Variants in CNTNAP5 observed in about 807,000 individuals in gnomAD.
The protein encoded by CNTNAP5 is contactin associated protein family member 5.
CNTNAP5 carries 72 observed loss-of-function variants against 150.2 expected under a neutral mutation model. The observed-to-expected ratio is 0.48, with a 90% CI of 0.40 to 0.58. CNTNAP5 has a LOEUF of 0.58. CNTNAP5 is among the 20% of genes least tolerant of loss of function. CNTNAP5 has a pLI of 0.00. For synonymous variants in CNTNAP5, 672 were observed against 619.8 expected, an observed-to-expected ratio of 1.08 and a Z score of -1.25; for missense variants, 1,636 against 1,626.2, an observed-to-expected ratio of 1.01 and a Z score of -0.10.
intron 16 of CNTNAP5, among the ~76,000 whole-genome samples, chr2:124,765,958 G>GA (rs922747187): frequency 4.7e-4 from 68 of 146,006 alleles, no homozygotes; most frequent in Non-Finnish European, 4.2e-4. Context: ...CTTTGTCTCA[G>GA]AAAAAAAAAA....
At chr2:124,542,630 T>C (rs1695413880) in intron 10 of CNTNAP5, among the ~76,000 whole-genome samples, 2 of 152,076 alleles carry the variant, frequency 1.3e-5, no homozygotes, top group Admixed American at 6.5e-5. Flanking sequence ...CTACCTACTC[T>C]ACGAAGTCTT....
intron 12 of CNTNAP5, among the ~76,000 whole-genome samples, chr2:124,645,892 G>A (rs1306116620): frequency 9.2e-5 from 14 of 152,064 alleles, no homozygotes; most frequent in African/African-American, 3.1e-4. Flanking sequence ...CAGTTCAGAC[G>A]GCAAGAGCAG....
intron 3 of CNTNAP5, among the ~76,000 whole-genome samples, chr2:124,389,846 G>T (rs1162563947): frequency 1.3e-5 from 2 of 152,030 alleles, no homozygotes; most frequent in Non-Finnish European, 2.9e-5. Flanking sequence ...CCTGCCTCTT[G>T]TCCCAGCTAC....
intron 17 of CNTNAP5, among the ~76,000 whole-genome samples, chr2:124,776,072 T>C (rs1681315522): frequency 6.6e-6 from 1 of 152,180 alleles, no homozygotes; most frequent in South Asian, 2.1e-4. Flanking sequence ...GAAGATCTGC[T>C]ATCTGCATGT....
At chr2:124,379,133 GT>G (rs149782242) in intron 3 of CNTNAP5, among the ~76,000 whole-genome samples, 6 of 144,388 alleles carry the variant, frequency 4.2e-5, no homozygotes, top group African/African-American at 1.3e-4. Context: ...CTTTTTTTTT[GT>G]TTTTTTTTTA....
At chr2:124,807,246 G>T (rs314718) in intron 19 of CNTNAP5, among the ~76,000 whole-genome samples, 107,560 of 152,016 alleles carry the variant, frequency 0.71, 38,349 homozygotes, top group East Asian at 0.85. Context: ...TGTCTCCACT[G>T]TAATAAGTAG....
rs57309706 is a variant in CNTNAP5, at chr2:124,434,635, C to A, written c.681C>A (p.Asp227Glu). 71 of 1,613,674 alleles carry A rather than the reference C, an allele frequency of 4.4e-5. No individual in the cohort carries two copies. The highest frequency in any genetic ancestry group is 5.8e-5 in the Non-Finnish European group (69 of 1,179,820). Residue 227 changes from aspartate to glutamate, a missense_variant, in exon 5 of 24, where the codon GAC (aspartate) becomes GAA (glutamate). By Grantham distance (45) the Asp-to-Glu change is conservative. Transcript: ENST00000682447. ...TCCATGGAGAAGGTCAGCGTGGAGA[C>A]CACATCACCTTGGAACTCCAGAAGG... ...VLFHGEGQRG[D>E]HITLELQKGR...
At chr2:124,134,729 T>G (rs1045228506) in intron 1 of CNTNAP5, among the ~76,000 whole-genome samples, 1 of 152,176 alleles carries the variant, frequency 6.6e-6, no homozygotes, top group African/African-American at 2.4e-5. Flanking sequence ...GTTTTTTACA[T>G]GTACTTGGAT....
intron 10 of CNTNAP5, among the ~76,000 whole-genome samples, chr2:124,543,467 G>C (rs769549352): frequency 5.9e-5 from 9 of 152,128 alleles, no homozygotes; most frequent in Non-Finnish European, 1.0e-4. Flanking sequence ...ACTCCTACAG[G>C]CTGAGTAGTG....
rs1258313126 is a variant in CNTNAP5 at position 124,117,389 on chromosome 2, G to A, written c.82+91657G>A. ...TCTGTGGAGGCAGAGACTTTATTATGAGTCCTTAATACCTAGAGCAGTACA... is the reference window on the plus strand; with the variant it reads ...TCTGTGGAGGCAGAGACTTTATTATAAGTCCTTAATACCTAGAGCAGTACA... On this transcript the variant is annotated intron_variant, in intron 1 of 23. Transcript: ENST00000682447. 5.9e-5 allele frequency among the ~76,000 whole-genome samples: 9 copies of A among 152,202 alleles called. No individual in the cohort carries two copies. The East Asian group carries it at 1.2e-3, about 20-fold the overall frequency.
At chr2:124,619,842 C>CATATATAT (rs58774096) in intron 12 of CNTNAP5, among the ~76,000 whole-genome samples, 87 of 98,428 alleles carry the variant, frequency 8.8e-4, no homozygotes, top group Non-Finnish European at 1.2e-3. Context: ...CTGTCTCATT[C>CATATATAT]ATATATATAT....
chr2:124,478,115 A>C (rs1183417454), intron 7 of CNTNAP5, among the ~76,000 whole-genome samples: 3 of 152,104 alleles, frequency 2.0e-5, no homozygotes, highest in Admixed American at 6.6e-5. Flanking sequence ...GAATAAGCAG[A>C]GCAAAAAAAA....
At chr2:124,529,385 T>A (rs769497292) in intron 10 of CNTNAP5, among the ~76,000 whole-genome samples, 3 of 152,206 alleles carry the variant, frequency 2.0e-5, no homozygotes, top group Non-Finnish European at 4.4e-5. Flanking sequence ...TAGTTTTGTG[T>A]AATTGTAGTC....
chr2:124,837,287 C>T (rs1431949621), intron 19 of CNTNAP5, among the ~76,000 whole-genome samples: 1 of 151,922 alleles, frequency 6.6e-6, no homozygotes, highest in Non-Finnish European at 1.5e-5. Context: ...GCATGTGACA[C>T]TAAGTGCCAT....
intron 13 of CNTNAP5, among the ~76,000 whole-genome samples, chr2:124,664,742 A>G (rs1191284332): frequency 6.6e-6 from 1 of 152,214 alleles, no homozygotes; most frequent in Admixed American, 6.5e-5. Flanking sequence ...GCTGGAGGAC[A>G]ATGGCGCAAT....
At chr2:124,138,604 G>T (rs1368612105) in intron 1 of CNTNAP5, among the ~76,000 whole-genome samples, 4 of 152,136 alleles carry the variant, frequency 2.6e-5, no homozygotes, top group Non-Finnish European at 5.9e-5. Context: ...GGCTTCAACT[G>T]TTCTAGCATG....
chr2:124,210,956 G>A (rs552636910), intron 1 of CNTNAP5, among the ~76,000 whole-genome samples: 26 of 152,250 alleles, frequency 1.7e-4, no homozygotes, highest in African/African-American at 6.3e-4. Flanking sequence ...TGAGGTCCAT[G>A]CTTTCTGTTC....
intron 1 of CNTNAP5, among the ~76,000 whole-genome samples, chr2:124,199,679 A>C (rs892795794): frequency 6.6e-6 from 1 of 152,072 alleles, no homozygotes; most frequent in Non-Finnish European, 1.5e-5. Flanking sequence ...CCTTCCAACG[A>C]GCTGGGATTA....
intron 3 of CNTNAP5, among the ~76,000 whole-genome samples, chr2:124,383,850 C>A (rs1021576984): frequency 2.0e-5 from 3 of 152,134 alleles, no homozygotes; most frequent in Non-Finnish European, 4.4e-5. Context: ...CTGCAGGAAA[C>A]AACCAATATC....
Sources: allele counts gnomAD v4.1 joint callset (sites outside exome capture counted in the v4.1 genomes callset), GRCh38; gene constraint gnomAD v4.1.1; transcripts MANE v1.5; gene names NCBI Gene and HGNC (gene_info 2026-07-23, HGNC 2026-07-21).